Variants in PCDHGA6 observed in about 807,000 individuals in gnomAD.
The protein encoded by PCDHGA6 is protocadherin gamma subfamily A, 6.
Under a neutral mutation model 60.6 loss-of-function variants are expected in PCDHGA6, and 41 were observed. The observed-to-expected ratio is 0.68, with a 90% CI of 0.53 to 0.88. The LOEUF is 0.88. PCDHGA6 is among the 40% of genes least tolerant of loss of function. PCDHGA6 has a pLI of 0.00. For synonymous variants in PCDHGA6, 594 were observed against 524.4 expected (o/e 1.13, Z -1.81); for missense variants, 1,312 against 1,203.0 (o/e 1.09, Z -1.34).
intron 2 of PCDHGA6, 54 bp downstream of exon 2, chr5:141,494,919 T>A: frequency 6.2e-7 from 1 of 1,613,926 alleles, no homozygotes; most frequent in South Asian, 1.1e-5. Flanking sequence ...TTCTCAGGGA[T>A]GACGTGGGAG....
intron 1 of PCDHGA6, chr5:141,403,564 G>A (rs2094422320): frequency 2.5e-6 from 4 of 1,613,834 alleles, no homozygotes; most frequent in Non-Finnish European, 2.5e-6. Context: ...ACAGGGAGGA[G>A]GCAACTGCCC....
rs1183407162 is a variant in PCDHGA6 at position 141,422,793 on chromosome 5, C to G, written c.2424+46286C>G. 3 of 1,614,110 alleles carry G rather than the reference C, an allele frequency of 1.9e-6. No individual in the cohort carries two copies. The South Asian group carries it at 3.3e-5, about 18-fold the overall frequency. On this transcript the variant is annotated intron_variant, in intron 1 of 3. Transcript: ENST00000517434. Reference sequence around the variant, plus strand: ...TTCTCTATGCCCTACAATCCTTCGACTATGAGCAGTTTCGAGACTTAGAAC... The same window carrying G: ...TTCTCTATGCCCTACAATCCTTCGAGTATGAGCAGTTTCGAGACTTAGAAC...
intron 1 of PCDHGA6, chr5:141,384,549 G>T (rs1561602881): frequency 6.2e-7 from 1 of 1,614,244 alleles, no homozygotes; most frequent in East Asian, 2.2e-5. Flanking sequence ...CACTGAGCCT[G>T]TTCGTGCTGG....
rs776737236 is a variant in PCDHGA6, at chr5:141,431,439, G to T, written c.2424+54932G>T. 20 of 1,613,724 alleles carry T rather than the reference G, an allele frequency of 1.2e-5. No individual in the cohort carries two copies. The highest frequency in any genetic ancestry group is 4.5e-5 in the East Asian group (2 of 44,888). Reference sequence around the variant, plus strand: ...GACCCGGTGCGCACAGGCACCGCGCGCATCCGCGTGATGGTTCTGGATGCG... The same window carrying T: ...GACCCGGTGCGCACAGGCACCGCGCTCATCCGCGTGATGGTTCTGGATGCG... On this transcript the variant is annotated intron_variant, in intron 1 of 3. Coordinates refer to ENST00000517434, the MANE Select transcript of PCDHGA6 (RefSeq NM_018919.3). This position sits in a 1 kb window ranked among gnomAD's most constrained non-coding sequence, Gnocchi z 4.8.
chr5:141,414,556 T>G, intron 1 of PCDHGA6: 2 of 1,613,990 alleles, frequency 1.2e-6, no homozygotes, highest in Non-Finnish European at 1.7e-6. Flanking sequence ...TCAAGTCTCC[T>G]ACTTTACCTA....
chr5:141,474,579 G>A (rs1340685342), intron 1 of PCDHGA6, among the ~76,000 whole-genome samples: 3 of 152,196 alleles, frequency 2.0e-5, no homozygotes, highest in Non-Finnish European at 4.4e-5. Flanking sequence ...TAATTGAAGT[G>A]TTAAAGACAT....
At chr5:141,415,712 T>G (rs2095901969) in intron 1 of PCDHGA6, 3 of 1,326,794 alleles carry the variant, frequency 2.3e-6, no homozygotes, top group Non-Finnish European at 3.1e-6. Context: ...GCTAAAACAC[T>G]GATGAGTAGA....
At chr5:141,510,334 C>G (rs1463634534) in intron 3 of PCDHGA6, among the ~76,000 whole-genome samples, 1 of 151,448 alleles carries the variant, frequency 6.6e-6, no homozygotes, top group African/African-American at 2.4e-5. Context: ...TCTTCACCCC[C>G]ACCCCACACA....
chr5:141,448,834 A>G (rs910945659), intron 1 of PCDHGA6, among the ~76,000 whole-genome samples: 2 of 151,780 alleles, frequency 1.3e-5, no homozygotes, highest in African/African-American at 4.8e-5. Context: ...AGTCCCAGCT[A>G]CTCTGGAGGC....
In PCDHGA6 at chr5:141,403,638, A is replaced by G. The variant is rs373036061; in HGVS notation, c.2424+27131A>G. On this transcript the variant is annotated intron_variant, in intron 1 of 3. Coordinates refer to ENST00000517434, the MANE Select transcript of PCDHGA6 (RefSeq NM_018919.3). ...CGTCGCTCCAGCACAGTGCGCATCCATGTGACAGTGTTGGATACAAATGAT... is the reference window on the plus strand; with the variant it reads ...CGTCGCTCCAGCACAGTGCGCATCCGTGTGACAGTGTTGGATACAAATGAT... The G allele has an allele frequency of 1.5e-5, 25 of 1,613,906 alleles. No individual in the cohort carries two copies. The East Asian group carries it at 4.5e-4, about 29-fold the overall frequency.
At chr5:141,503,387 G>A (rs975079596) in intron 2 of PCDHGA6, among the ~76,000 whole-genome samples, 24 of 152,068 alleles carry the variant, frequency 1.6e-4, no homozygotes, top group Middle Eastern at 3.4e-3. Flanking sequence ...ATGAGGTCAG[G>A]AGTTCGAAAC....
At chr5:141,424,945 C>A (rs2096849463) in intron 1 of PCDHGA6, among the ~76,000 whole-genome samples, 1 of 152,186 alleles carries the variant, frequency 6.6e-6, no homozygotes, top group Admixed American at 6.5e-5. Flanking sequence ...TCTCACATCA[C>A]TTCTAGGTAT....
chr5:141,393,399 C>G, intron 1 of PCDHGA6: 1 of 1,614,028 alleles, frequency 6.2e-7, no homozygotes, highest in Non-Finnish European at 8.5e-7. Flanking sequence ...AGAGCTGGTG[C>G]TGGAGCGCGC....
intron 1 of PCDHGA6, chr5:141,415,488 C>T: frequency 1.9e-6 from 3 of 1,614,220 alleles, no homozygotes; most frequent in Non-Finnish European, 2.5e-6. Context: ...GAAAGAGTCA[C>T]CTGATCTTCC....
chr5:141,469,155 A>C (rs1342352040), intron 1 of PCDHGA6, among the ~76,000 whole-genome samples: 3 of 152,108 alleles, frequency 2.0e-5, no homozygotes, highest in Admixed American at 1.3e-4. Context: ...ACATGTCTGT[A>C]GTCCCAGCTA....
At chr5:141,502,140 G>A (rs534984161) in intron 2 of PCDHGA6, among the ~76,000 whole-genome samples, 1 of 152,268 alleles carries the variant, frequency 6.6e-6, no homozygotes, top group South Asian at 2.1e-4. Context: ...CAGTCGGGCC[G>A]GAAGTAAGGA....
At position 141,454,263 on chromosome 5, in the gene PCDHGA6, T is replaced by C. The variant is rs954231508; in HGVS notation, c.2425-40544T>C. Among the ~76,000 whole-genome samples, 42 of 152,140 alleles carry C rather than the reference T, an allele frequency of 2.8e-4. 1 individual carries two copies. Among genetic ancestry groups the C allele is most frequent in the South Asian group, 1.0e-3 (5 of 4,826 alleles). On this transcript the variant is annotated intron_variant, in intron 1 of 3. Coordinates refer to ENST00000517434, the MANE Select transcript of PCDHGA6 (RefSeq NM_018919.3). Reference sequence around the variant, plus strand: ...GATGAAGATGTCCCAGAGAAAGTAATGCCAGCAAAAACTTCACATTAAAGG... The same window carrying C: ...GATGAAGATGTCCCAGAGAAAGTAACGCCAGCAAAAACTTCACATTAAAGG...
chr5:141,399,538 T>G, intron 1 of PCDHGA6: 1 of 1,614,048 alleles, frequency 6.2e-7, no homozygotes, highest in Non-Finnish European at 8.5e-7. Context: ...CGCGCAAGTC[T>G]GCGCCTCGGA....
chr5:141,509,809 A>G (rs13163163), intron 3 of PCDHGA6, among the ~76,000 whole-genome samples: 35,240 of 151,962 alleles, frequency 0.23, 4,247 homozygotes, highest in Admixed American at 0.33. Context: ...CATAGAGCCG[A>G]GCTCTTCTCC....
Sources: gnomAD v4.1 joint callset for allele counts (sites outside exome capture counted in the v4.1 genomes callset) on GRCh38, gnomAD v4.1.1 for gene constraint, Gnocchi (gnomAD v3.1) non-coding constraint, MANE v1.5 for transcripts, NCBI Gene and HGNC (gene_info 2026-07-23, HGNC 2026-07-21) for gene names.